The following ADGRV1 variants were observed in gnomAD, a reference collection of about 807,000 sequenced individuals.
The protein encoded by ADGRV1 is G-protein coupled receptor 98.
In ADGRV1, 359 loss-of-function variants were observed where a neutral mutation model predicts 596.2. That is an observed-to-expected ratio of 0.60 (90% CI 0.55 to 0.66). The LOEUF is 0.66. ADGRV1 is among the 30% of genes least tolerant of loss of function. The probability of loss-of-function intolerance (pLI) is 0.00; values close to 1 mark genes in which losing one functional copy is unlikely to be tolerated. For missense variants in ADGRV1, 7,274 were observed against 7,575.6 expected (o/e 0.96, Z 1.48); for synonymous variants, 2,681 against 2,679.2 (o/e 1.00, Z -0.02).
intron 84 of ADGRV1, among the ~76,000 whole-genome samples, chr5:90,967,239 TGA>T (rs1778553158): frequency 6.6e-6 from 1 of 150,890 alleles, no homozygotes; most frequent in African/African-American, 2.4e-5. Context: ...ATCAAGCTAT[TGA>T]CTCTCTCCAA....
chr5:90,800,433 G>A (rs1761231137), intron 70 of ADGRV1, among the ~76,000 whole-genome samples: 1 of 152,198 alleles, frequency 6.6e-6, no homozygotes, highest in Non-Finnish European at 1.5e-5. Flanking sequence ...AACAGATGCT[G>A]GAGAGGATGT....
chr5:90,558,941 G>C, intron 1 of ADGRV1, 24 bp downstream of exon 1: 1 of 1,550,918 alleles, frequency 6.4e-7, no homozygotes, highest in Non-Finnish European at 8.7e-7. Flanking sequence ...GAGGGGTGGT[G>C]CTGCGAGCAT....
rs151321213 is a variant in ADGRV1, at chr5:90,673,118, G to A, written c.4929+396G>A. On this transcript the variant is annotated intron_variant, in intron 22 of 89. Coordinates refer to ENST00000405460, the MANE Select transcript of ADGRV1 (RefSeq NM_032119.4). ...TAAATTTTGAATTAAATTTTGTAGA[G>A]CATGGCTCAGTTATTCCTATTCCTT... 1.6e-3 allele frequency among the ~76,000 whole-genome samples: 237 copies of A among 152,282 alleles called. 1 individual carries two copies. Among genetic ancestry groups the A allele is most frequent in the African/African-American group, 5.4e-3 (226 of 41,552 alleles).
At position 90,729,696 on chromosome 5, in the gene ADGRV1, G is replaced by T. The variant is rs777259124; in HGVS notation, c.10481G>T (p.Arg3494Met). 1 of 1,607,386 alleles carries T rather than the reference G, an allele frequency of 6.2e-7. No individual in the cohort carries two copies. Among genetic ancestry groups the T allele is most frequent in the South Asian group, 1.1e-5 (1 of 90,796 alleles). The change falls in exon 50 of 90, where the codon AGG becomes ATG. Residue 3494 changes from arginine to methionine, a missense_variant. Coordinates refer to ENST00000405460, the MANE Select transcript of ADGRV1 (RefSeq NM_032119.4). ...TGGGAGATGGGACAGTCTTCCTTCA[G>T]GTATTTTCAGTCTGTAGATTTTGCT... ...FIWEMGQSSF[R>M]YFQSVDFAAV... is the part of the protein sequence containing the mutation.
chr5:91,123,812 A>G (rs1008564990), intron 87 of ADGRV1, among the ~76,000 whole-genome samples: 6 of 152,314 alleles, frequency 3.9e-5, no homozygotes, highest in Middle Eastern at 6.8e-3. Context: ...AAAATAGACA[A>G]AATATCTGTC....
chr5:90,895,249 C>T (rs1771198698), intron 83 of ADGRV1, among the ~76,000 whole-genome samples: 1 of 152,118 alleles, frequency 6.6e-6, no homozygotes, highest in African/African-American at 2.4e-5. Flanking sequence ...ACAGTCTCTG[C>T]TCTCTGAAAG....
At chr5:91,097,843 A>T (rs1167210674) in intron 86 of ADGRV1, among the ~76,000 whole-genome samples, 1 of 152,054 alleles carries the variant, frequency 6.6e-6, no homozygotes, top group Non-Finnish European at 1.5e-5. Context: ...GCATTTTTTC[A>T]TGTGATTATT....
chr5:90,844,279 T>C (rs1765673374), intron 78 of ADGRV1, among the ~76,000 whole-genome samples: 1 of 152,220 alleles, frequency 6.6e-6, no homozygotes, highest in Non-Finnish European at 1.5e-5. Flanking sequence ...TTGTTTTACA[T>C]TTTTAAATTT....
chr5:90,679,522 GT>G (rs753788046), intron 25 of ADGRV1, 26 bp from the exon 26 acceptor site: 21 of 1,556,690 alleles, frequency 1.3e-5, no homozygotes, highest in Non-Finnish European at 1.7e-5. Flanking sequence ...TGTTGTGTGG[GT>G]TGTGTCTCTG....
rs984841649 is a variant in ADGRV1 at position 90,591,189 on chromosome 5, C to T, written c.23-23646C>T. 2.6e-5 allele frequency among the ~76,000 whole-genome samples: 4 copies of T among 152,006 alleles called. No homozygotes were observed. In the South Asian group the frequency reaches 8.3e-4, roughly 32 times the overall value. On this transcript the variant is annotated intron_variant, in intron 1 of 89. Transcript: ENST00000405460. The stretch of plus-strand genomic sequence containing the variant: ...GGTGGATCACTTGAGGCCAGGAGTT[C>T]GAGACTAGCCTGAGCAACGTGGTGA...
intron 83 of ADGRV1, among the ~76,000 whole-genome samples, chr5:90,935,821 GA>G: frequency 6.6e-6 from 1 of 152,268 alleles, no homozygotes; most frequent in Non-Finnish European, 1.5e-5. Context: ...TGTTACAAAT[GA>G]AGTTTTTCCA....
intron 83 of ADGRV1, among the ~76,000 whole-genome samples, chr5:90,928,855 G>T (rs1405345530): frequency 6.7e-6 from 1 of 149,358 alleles, no homozygotes; most frequent in East Asian, 1.9e-4. Flanking sequence ...CTAACAGACA[G>T]GACCCTCAGC....
At chr5:91,138,941 T>G (rs1794873067) in intron 87 of ADGRV1, among the ~76,000 whole-genome samples, 1 of 152,078 alleles carries the variant, frequency 6.6e-6, no homozygotes, top group Non-Finnish European at 1.5e-5. Context: ...CCAGCTAATT[T>G]TGTGTTTTTA....
At position 90,647,769 on chromosome 5, in the gene ADGRV1, G is replaced by C. The variant is rs1768006851; in HGVS notation, c.3289+5G>C. The C allele has an allele frequency of 2.5e-6, 4 of 1,608,526 alleles. No individual in the cohort carries two copies. Among genetic ancestry groups the C allele is most frequent in the Non-Finnish European group, 3.4e-6 (4 of 1,176,790 alleles). ...TAATCCTCTTGAATTCAACAGGTAAGTAAATTATGCTTTTTTATGGCAGAT... is the reference window on the plus strand; with the variant it reads ...TAATCCTCTTGAATTCAACAGGTAACTAAATTATGCTTTTTTATGGCAGAT... On this transcript the variant is annotated splice_donor_5th_base_variant and intron_variant, in intron 17 of 89. Coordinates refer to ENST00000405460, the MANE Select transcript of ADGRV1 (RefSeq NM_032119.4).
Position 91,140,908 on chromosome 5 carries a change from CA to C in ADGRV1, c.18433-9118del, listed in dbSNP as rs1356510256. ...GAGACAAAGCACTGTAAAATAGGCT[CA>C]AAAGGAAAGGCTGAAGAACAGGGAT... is the stretch of plus-strand genomic sequence containing the variant. On this transcript the variant is annotated intron_variant, in intron 87 of 89. Coordinates refer to ENST00000405460, the MANE Select transcript of ADGRV1 (RefSeq NM_032119.4). Among the ~76,000 whole-genome samples the C allele has an allele frequency of 3.9e-5, 6 of 152,172 alleles. No individual in the cohort carries two copies. In the South Asian group the frequency reaches 6.2e-4, roughly 16 times the overall value.
chr5:90,827,513 A>G (rs948426894), intron 76 of ADGRV1, among the ~76,000 whole-genome samples: 4 of 152,214 alleles, frequency 2.6e-5, no homozygotes, highest in Admixed American at 2.0e-4. Flanking sequence ...ATGAAAAAGG[A>G]ATATTTTTCT....
intron 85 of ADGRV1, among the ~76,000 whole-genome samples, chr5:91,007,408 CT>C (rs143504997): frequency 0.14 from 21,020 of 152,082 alleles, 1,961 homozygotes; most frequent in African/African-American, 0.24. Context: ...TCCCTACCTA[CT>C]TCCTTTTCTC....
chr5:90,771,457 T>A (rs1757685167), intron 59 of ADGRV1, among the ~76,000 whole-genome samples: 1 of 152,194 alleles, frequency 6.6e-6, no homozygotes, highest in Admixed American at 6.5e-5. Flanking sequence ...AAATAATGTT[T>A]GTGAAGAAAC....
At chr5:90,851,798 G>T (rs549334840) in intron 79 of ADGRV1, among the ~76,000 whole-genome samples, 2 of 152,314 alleles carry the variant, frequency 1.3e-5, no homozygotes, top group East Asian at 1.9e-4. Context: ...TCAGGAATTT[G>T]TTATGCTTGC....
Sources: gnomAD v4.1 joint callset for allele counts (sites outside exome capture counted in the v4.1 genomes callset) on GRCh38, gnomAD v4.1.1 for gene constraint, MANE v1.5 for transcripts, NCBI Gene and HGNC (gene_info 2026-07-23, HGNC 2026-07-21) for gene names.